Variants in PLCXD3 observed in about 807,000 individuals in gnomAD.
PLCXD3 encodes the protein PI-PLC X domain-containing protein 3.
PLCXD3 carries 19 observed loss-of-function variants against 25.5 expected under a neutral mutation model. The ratio of observed to expected loss-of-function variants is 0.75; its 90% confidence interval spans 0.52 to 1.09. The LOEUF is 1.09. PLCXD3 is among the 50% of genes least tolerant of loss of function. PLCXD3 has a pLI of 0.00. For missense variants in PLCXD3, 411 were observed against 388.1 expected, an observed-to-expected ratio of 1.06 and a Z score of -0.50; for synonymous variants, 174 against 137.6, an observed-to-expected ratio of 1.26 and a Z score of -1.85.
At chr5:41,443,791 C>G (rs546002776) in intron 1 of PLCXD3, among the ~76,000 whole-genome samples, 3 of 152,236 alleles carry the variant, frequency 2.0e-5, no homozygotes, top group African/African-American at 7.2e-5. Flanking sequence ...GGGTGAAGTA[C>G]AGACAGACCA....
chr5:41,321,635 C>T (rs1368064847), intron 2 of PLCXD3, among the ~76,000 whole-genome samples: 1 of 152,072 alleles, frequency 6.6e-6, no homozygotes, highest in South Asian at 2.1e-4. Flanking sequence ...TTATCCAAAC[C>T]AAAAAGAACA....
At chr5:41,412,375 C>T (rs976425762) in intron 1 of PLCXD3, among the ~76,000 whole-genome samples, 2 of 151,984 alleles carry the variant, frequency 1.3e-5, no homozygotes, top group African/African-American at 2.4e-5. Context: ...TTAATTATAC[C>T]GAAATGAAAC....
chr5:41,413,742 C>T (rs1746622562), intron 1 of PLCXD3, among the ~76,000 whole-genome samples: 1 of 152,004 alleles, frequency 6.6e-6, no homozygotes, highest in African/African-American at 2.4e-5. Context: ...TTTTAATCTC[C>T]CAGTGTGAGT....
At chr5:41,475,044 C>A (rs977229317) in intron 1 of PLCXD3, among the ~76,000 whole-genome samples, 1 of 152,230 alleles carries the variant, frequency 6.6e-6, no homozygotes, top group African/African-American at 2.4e-5. Flanking sequence ...TCCTCCCTTT[C>A]CTGTTCACCA....
rs118075588 is a variant in PLCXD3, at chr5:41,376,260, C to T, written c.812+5566G>A. Among the ~76,000 whole-genome samples the T allele has an allele frequency of 3.9e-5, 6 of 152,210 alleles. No homozygotes were observed. The East Asian group carries it at 1.2e-3, about 29-fold the overall frequency. On this transcript the variant is annotated intron_variant, in intron 2 of 2. Transcript: ENST00000377801. ...CAAGGGGGCAGCACTGTCAGTAGGG[C>T]TGAAGTCAAACCATGTCAGCAATTT...
intron 2 of PLCXD3, among the ~76,000 whole-genome samples, chr5:41,324,955 G>A (rs1339743421): frequency 6.6e-6 from 1 of 152,156 alleles, no homozygotes; most frequent in Non-Finnish European, 1.5e-5. Context: ...CGTCATGGGA[G>A]GTTCCTGAGC....
At chr5:41,381,446 T>G (rs975016711) in intron 2 of PLCXD3, among the ~76,000 whole-genome samples, 6 of 151,976 alleles carry the variant, frequency 3.9e-5, no homozygotes, top group Non-Finnish European at 8.8e-5. Flanking sequence ...GGTATCCTTA[T>G]AAGCAAAGGA....
At chr5:41,479,712 G>GGAGAGAGAGAGAGAGAAAGAGA (rs1748356240) in intron 1 of PLCXD3, among the ~76,000 whole-genome samples, 2 of 149,298 alleles carry the variant, frequency 1.3e-5, no homozygotes, top group South Asian at 4.3e-4. Flanking sequence ...CTGCTGAGAG[G>GGAGAGAGAGAGAGAGAAAGAGA]GAGAGAGAGA....
intron 1 of PLCXD3, among the ~76,000 whole-genome samples, chr5:41,389,737 T>A (rs572192209): frequency 6.6e-6 from 1 of 152,294 alleles, no homozygotes; most frequent in Admixed American, 6.5e-5. Flanking sequence ...TGAATTTGTG[T>A]TTCTTTTAAA....
At chr5:41,467,746 A>T (rs1453452910) in intron 1 of PLCXD3, among the ~76,000 whole-genome samples, 1 of 152,146 alleles carries the variant, frequency 6.6e-6, no homozygotes, top group Non-Finnish European at 1.5e-5. Flanking sequence ...GTAGTATAAG[A>T]TTAGAGTCTA....
At chr5:41,369,088 T>G (rs561393323) in intron 2 of PLCXD3, among the ~76,000 whole-genome samples, 1 of 152,330 alleles carries the variant, frequency 6.6e-6, no homozygotes, top group East Asian at 1.9e-4. Flanking sequence ...TTGTGTGTGC[T>G]GCAAGGGTGT....
chr5:41,351,429 C>T (rs1455737886), intron 2 of PLCXD3, among the ~76,000 whole-genome samples: 2 of 152,134 alleles, frequency 1.3e-5, no homozygotes, highest in South Asian at 2.1e-4. Flanking sequence ...TGGTAGGCTT[C>T]GAGGCCTGTA....
intron 2 of PLCXD3, among the ~76,000 whole-genome samples, chr5:41,339,415 A>C (rs16871244): frequency 0.029 from 4,473 of 152,108 alleles, 234 homozygotes; most frequent in African/African-American, 0.1. Context: ...CTGGCTTTAG[A>C]GTGAATATGT....
intron 2 of PLCXD3, among the ~76,000 whole-genome samples, chr5:41,330,393 C>A (rs1008689003): frequency 1.3e-5 from 2 of 151,996 alleles, no homozygotes; most frequent in African/African-American, 4.8e-5. Flanking sequence ...AAGACTAAAC[C>A]AGGAAGAGGT....
At chr5:41,381,767 C>T (rs1354667742) in intron 2 of PLCXD3, 59 bp downstream of exon 2, 1 of 1,468,944 alleles carries the variant, frequency 6.8e-7, no homozygotes, top group Non-Finnish European at 9.2e-7. Context: ...CACTTATGAG[C>T]TCTATAAATT....
At chr5:41,455,910 T>A (rs1388387917) in intron 1 of PLCXD3, among the ~76,000 whole-genome samples, 1 of 151,932 alleles carries the variant, frequency 6.6e-6, no homozygotes, top group Non-Finnish European at 1.5e-5. Flanking sequence ...ACAGTTATTG[T>A]CCCATATCAC....
chr5:41,506,515 T>C (rs1749055074), intron 1 of PLCXD3, among the ~76,000 whole-genome samples: 1 of 152,212 alleles, frequency 6.6e-6, no homozygotes. Flanking sequence ...TCTTGTTTTG[T>C]TCTTTAGAAA....
At chr5:41,348,979 A>G (rs946774990) in intron 2 of PLCXD3, among the ~76,000 whole-genome samples, 2 of 152,216 alleles carry the variant, frequency 1.3e-5, no homozygotes, top group African/African-American at 4.8e-5. Flanking sequence ...CTGGTTTTCC[A>G]GTAGTTGGAT....
chr5:41,395,359 C>G (rs1030186568), intron 1 of PLCXD3, among the ~76,000 whole-genome samples: 1 of 151,590 alleles, frequency 6.6e-6, no homozygotes, highest in African/African-American at 2.4e-5. Flanking sequence ...CTATAAGTGC[C>G]TACATCAAAA....
Sources: allele counts gnomAD v4.1 joint callset (sites outside exome capture counted in the v4.1 genomes callset), GRCh38; gene constraint gnomAD v4.1.1; transcripts MANE v1.5; gene names NCBI Gene and HGNC (gene_info 2026-07-23, HGNC 2026-07-21).